The following CDH12 variants were observed in gnomAD, a reference collection of about 807,000 sequenced individuals.
CDH12 encodes the protein cadherin 12, also known as cadherin-12.
In CDH12, 41 loss-of-function variants were observed where a neutral mutation model predicts 74.1. The observed-to-expected ratio is 0.55, with a 90% CI of 0.43 to 0.72. The LOEUF (loss-of-function observed/expected upper bound fraction) is 0.72. Among genes scored for constraint, CDH12 ranks in the 30% least tolerant of loss-of-function variants. The probability of loss-of-function intolerance (pLI) is 0.00; values close to 1 mark genes in which losing one functional copy is unlikely to be tolerated. For synonymous variants in CDH12, 399 were observed against 355.0 expected, an observed-to-expected ratio of 1.12 and a Z score of -1.39; for missense variants, 945 against 977.2, an observed-to-expected ratio of 0.97 and a Z score of 0.44.
intron 1 of CDH12, among the ~76,000 whole-genome samples, chr5:22,792,737 T>G (rs956456539): frequency 7.9e-5 from 12 of 152,202 alleles, no homozygotes; most frequent in Admixed American, 6.5e-4. Flanking sequence ...AAATACAATC[T>G]CTGACCAAGT....
At chr5:22,118,082 C>A (rs778344158) in intron 4 of CDH12, among the ~76,000 whole-genome samples, 1 of 152,074 alleles carries the variant, frequency 6.6e-6, no homozygotes, top group African/African-American at 2.4e-5. Context: ...TACCTCTATT[C>A]TTTCCTAAGA....
At chr5:22,851,555 T>G (rs767780225) in intron 1 of CDH12, among the ~76,000 whole-genome samples, 11 of 152,196 alleles carry the variant, frequency 7.2e-5, no homozygotes, top group Non-Finnish European at 1.3e-4. Flanking sequence ...CTCTTTTTAC[T>G]TCAGTAGTTT....
At position 22,264,203 on chromosome 5, in the gene CDH12, GT is replaced by G. The variant is rs1034476843; in HGVS notation, c.-332-51561del. ...CTTACTTTACATATATTTGATTGTG[GT>G]TTTTTTTACTGAATACAACTATTAA... On this transcript the variant is annotated intron_variant, in intron 3 of 14. Transcript: ENST00000382254. 2.0e-5 allele frequency among the ~76,000 whole-genome samples: 3 copies of G among 151,316 alleles called. No individual in the cohort carries two copies. The South Asian group carries it at 6.2e-4, about 31-fold the overall frequency.
rs994323009 is a variant in CDH12, at chr5:22,461,406, TA to T, written c.-428+43863del. On this transcript the variant is annotated intron_variant, in intron 2 of 14. Coordinates refer to ENST00000382254, the MANE Select transcript of CDH12 (RefSeq NM_004061.5). ...TAGAGAATAATCATTTTACTACTGT[TA>T]AAAAAAAATGAACATGTATTCAAGT... Among the ~76,000 whole-genome samples, 336 of 147,800 alleles carry T rather than the reference TA, an allele frequency of 2.3e-3. 1 individual carries two copies. The highest frequency in any genetic ancestry group is 7.7e-3 in the African/African-American group (308 of 40,170).
At chr5:21,956,885 C>T (rs944144469) in intron 6 of CDH12, among the ~76,000 whole-genome samples, 4 of 151,972 alleles carry the variant, frequency 2.6e-5, no homozygotes, top group African/African-American at 9.7e-5. Context: ...CCATGTGGTA[C>T]AGCATGGGTT....
At chr5:22,021,518 G>A (rs886173015) in intron 5 of CDH12, among the ~76,000 whole-genome samples, 6 of 152,140 alleles carry the variant, frequency 3.9e-5, no homozygotes, top group Admixed American at 6.5e-5. Flanking sequence ...CTGACTTAAG[G>A]TGGTTTGAAC....
chr5:22,153,284 T>C (rs1580330821), intron 4 of CDH12, among the ~76,000 whole-genome samples: 1 of 150,996 alleles, frequency 6.6e-6, no homozygotes, highest in Non-Finnish European at 1.5e-5. Context: ...TTACCTAAAA[T>C]TCTTTATAAA....
chr5:22,420,348 G>C (rs544741846), intron 2 of CDH12, among the ~76,000 whole-genome samples: 16 of 152,164 alleles, frequency 1.1e-4, no homozygotes, highest in Admixed American at 6.5e-4. Context: ...GTTAATTTTT[G>C]TATAAGGAGT....
At chr5:21,772,843 T>C (rs1052076706) in intron 11 of CDH12, among the ~76,000 whole-genome samples, 1 of 152,216 alleles carries the variant, frequency 6.6e-6, no homozygotes, top group African/African-American at 2.4e-5. Flanking sequence ...ATCATGTAGT[T>C]TTAATTTCCT....
chr5:22,218,480 T>A (rs1751901077), intron 3 of CDH12, among the ~76,000 whole-genome samples: 1 of 151,856 alleles, frequency 6.6e-6, no homozygotes, highest in South Asian at 2.1e-4. Flanking sequence ...CAGAAACAAA[T>A]ACATTACTAA....
intron 4 of CDH12, among the ~76,000 whole-genome samples, chr5:22,181,571 T>G (rs1749648443): frequency 6.6e-6 from 1 of 152,212 alleles, no homozygotes; most frequent in Non-Finnish European, 1.5e-5. Context: ...CGGGCTTATT[T>G]ATATTTTTTT....
At chr5:22,328,122 C>T (rs533355351) in intron 3 of CDH12, among the ~76,000 whole-genome samples, 13 of 152,244 alleles carry the variant, frequency 8.5e-5, no homozygotes, top group East Asian at 7.7e-4. Context: ...TATAAATCCT[C>T]CTGGGCCACC....
At chr5:22,794,333 A>C (rs909041242) in intron 1 of CDH12, among the ~76,000 whole-genome samples, 1 of 152,188 alleles carries the variant, frequency 6.6e-6, no homozygotes, top group Non-Finnish European at 1.5e-5. Context: ...AAAAGAGTCC[A>C]CTGGATTTTG....
At chr5:22,541,967 T>A (rs192278080) in intron 1 of CDH12, among the ~76,000 whole-genome samples, 5 of 152,320 alleles carry the variant, frequency 3.3e-5, no homozygotes, top group African/African-American at 1.2e-4. Context: ...ATGGCTTTCA[T>A]TTGCTCTGTT....
At chr5:22,157,715 T>C (rs1748110123) in intron 4 of CDH12, among the ~76,000 whole-genome samples, 1 of 151,926 alleles carries the variant, frequency 6.6e-6, no homozygotes, top group Non-Finnish European at 1.5e-5. Context: ...TTCTGTAAGC[T>C]CAGTTAAAAA....
chr5:22,645,016 G>A (rs1739363973), intron 1 of CDH12, among the ~76,000 whole-genome samples: 1 of 152,020 alleles, frequency 6.6e-6, no homozygotes, highest in Non-Finnish European at 1.5e-5. Context: ...AAATATTACT[G>A]CTGATACACA....
rs1747373652 is a variant in CDH12 at position 22,148,744 on chromosome 5, A to G, written c.-187+63754T>C. Among the ~76,000 whole-genome samples, 10 of 151,950 alleles carry G rather than the reference A, an allele frequency of 6.6e-5. No individual in the cohort carries two copies. In the South Asian group the frequency reaches 2.1e-3, roughly 32 times the overall value. On this transcript the variant is annotated intron_variant, in intron 4 of 14. Transcript: ENST00000382254. ...ATTAGTTGTATCAATCCAATCTCCA[A>G]CTCTGTCATTGAATGGCCTTCTTTC...
At chr5:22,249,403 G>A (rs1352966582) in intron 3 of CDH12, among the ~76,000 whole-genome samples, 5 of 152,170 alleles carry the variant, frequency 3.3e-5, no homozygotes, top group African/African-American at 1.2e-4. Context: ...TAGAAGTGGA[G>A]TCGGAGTAGA....
chr5:22,526,217 G>A (rs1367462247), intron 1 of CDH12, among the ~76,000 whole-genome samples: 2 of 151,912 alleles, frequency 1.3e-5, no homozygotes, highest in Non-Finnish European at 2.9e-5. Context: ...AAAAGAAAAA[G>A]CAAACGTTAC....
Sources: allele counts gnomAD v4.1 joint callset (sites outside exome capture counted in the v4.1 genomes callset), GRCh38; gene constraint gnomAD v4.1.1; transcripts MANE v1.5; gene names NCBI Gene and HGNC (gene_info 2026-07-23, HGNC 2026-07-21).